Variants in RUFY3 observed in about 807,000 individuals in gnomAD.
The protein encoded by RUFY3 is protein RUFY3.
RUFY3 carries 34 observed loss-of-function variants against 84.0 expected under a neutral mutation model. That is an observed-to-expected ratio of 0.40 (90% CI 0.31 to 0.54). RUFY3 has a LOEUF of 0.54. Ranked by LOEUF, RUFY3 falls within the 20% of genes least tolerant of loss-of-function variation. RUFY3 has a pLI of 0.39. For missense variants in RUFY3, 507 were observed against 736.8 expected (o/e 0.69, Z 3.61); for synonymous variants, 242 against 252.9 (o/e 0.96, Z 0.41).
intron 1 of RUFY3, among the ~76,000 whole-genome samples, chr4:70,748,139 CA>C (rs1560488378): frequency 6.6e-6 from 1 of 152,178 alleles, no homozygotes; most frequent in Non-Finnish European, 1.5e-5. Context: ...TAGTCATCTC[CA>C]AACAAAATTT....
chr4:70,749,851 C>A (rs1299690465), intron 1 of RUFY3, among the ~76,000 whole-genome samples: 1 of 151,934 alleles, frequency 6.6e-6, no homozygotes, highest in Non-Finnish European at 1.5e-5. Flanking sequence ...GGGGGTCTCA[C>A]CTTGTTGCCT....
intron 1 of RUFY3, among the ~76,000 whole-genome samples, chr4:70,740,721 T>C (rs1721197353): frequency 6.6e-6 from 1 of 152,220 alleles, no homozygotes; most frequent in African/African-American, 2.4e-5. Context: ...TCTGCAAATA[T>C]GTCTATATAT....
At chr4:70,733,115 AGAGAGGGAGGGAGGGAGGGAGG>A (rs1278636494) in intron 1 of RUFY3, among the ~76,000 whole-genome samples, 144 of 84,396 alleles carry the variant, frequency 1.7e-3, no homozygotes, top group African/African-American at 7.2e-3. Context: ...AGAGAGAGAG[AGAGAGGGAGGGAGGGAGGGAGG>A]GAGAGAGAGA....
At chr4:70,775,106 G>A in intron 6 of RUFY3, 62 bp from the exon 7 acceptor site, 4 of 1,181,230 alleles carry the variant, frequency 3.4e-6, no homozygotes, top group Non-Finnish European at 1.2e-6. Flanking sequence ...GTGGGGTGGG[G>A]TTGGGATCTT....
chr4:70,761,709 G>A (rs534810839), intron 1 of RUFY3, among the ~76,000 whole-genome samples: 1 of 152,142 alleles, frequency 6.6e-6, no homozygotes, highest in African/African-American at 2.4e-5. Flanking sequence ...TATCCATCTG[G>A]TTGATGAGAG....
intron 5 of RUFY3, among the ~76,000 whole-genome samples, chr4:70,768,925 C>T (rs1019566379): frequency 6.6e-6 from 1 of 152,128 alleles, no homozygotes; most frequent in Non-Finnish European, 1.5e-5. Flanking sequence ...TACACATTTA[C>T]ATACACATAC....
chr4:70,709,332 T>C (rs180930496), intron 1 of RUFY3, among the ~76,000 whole-genome samples: 30 of 152,324 alleles, frequency 2.0e-4, no homozygotes, highest in Admixed American at 1.5e-3. Flanking sequence ...GTACAAGTAA[T>C]ACATGAATCT....
intron 10 of RUFY3, among the ~76,000 whole-genome samples, chr4:70,785,108 T>C (rs1271739638): frequency 1.3e-5 from 2 of 152,222 alleles, no homozygotes; most frequent in East Asian, 3.8e-4. Flanking sequence ...TTTGCTTTTA[T>C]AGTTTGTATT....
At chr4:70,788,773 G>A in intron 10 of RUFY3, 33 bp from the exon 11 acceptor site, 1 of 1,610,360 alleles carries the variant, frequency 6.2e-7, no homozygotes, top group South Asian at 1.1e-5. Flanking sequence ...TGAAGGAACA[G>A]AGTGTAAGCA....
chr4:70,753,593 G>A (rs772066880), intron 1 of RUFY3, among the ~76,000 whole-genome samples: 17 of 152,150 alleles, frequency 1.1e-4, no homozygotes, highest in Non-Finnish European at 8.8e-5. Flanking sequence ...TGATTCAGTG[G>A]TAGTGTTGAA....
chr4:70,802,027 T>C (rs560113793), intron 15 of RUFY3, among the ~76,000 whole-genome samples: 8 of 152,356 alleles, frequency 5.3e-5, no homozygotes, highest in Admixed American at 3.3e-4. Context: ...ACATTTATTA[T>C]CTCCTTATGA....
chr4:70,793,128 AGAGTCT>A, intron 12 of RUFY3: 1 of 985,430 alleles, frequency 1.0e-6, no homozygotes, highest in Non-Finnish European at 1.2e-6. Context: ...GAATATGGTC[AGAGTCT>A]TAAACAGGCC....
At chr4:70,713,897 A>G (rs1029149572) in intron 1 of RUFY3, among the ~76,000 whole-genome samples, 3 of 152,144 alleles carry the variant, frequency 2.0e-5, no homozygotes, top group Admixed American at 6.5e-5. Context: ...CCTCTGTCCC[A>G]TAAACGTTTA....
At chr4:70,773,377 GTA>G in intron 5 of RUFY3, 132 bp from the exon 6 acceptor site, 1 of 622,484 alleles carries the variant, frequency 1.6e-6, no homozygotes, top group South Asian at 2.2e-5. Context: ...AAGTAAAACA[GTA>G]CATTTTTAAT....
intron 5 of RUFY3, among the ~76,000 whole-genome samples, chr4:70,772,510 T>A (rs1727135583): frequency 6.6e-6 from 1 of 152,190 alleles, no homozygotes; most frequent in South Asian, 2.1e-4. Flanking sequence ...CAGGGCCTAG[T>A]ACACATTAAT....
At chr4:70,805,010 C>T (rs988850594) in intron 17 of RUFY3, among the ~76,000 whole-genome samples, 1 of 152,114 alleles carries the variant, frequency 6.6e-6, no homozygotes, top group Non-Finnish European at 1.5e-5. Context: ...ATATTGAGTG[C>T]CTGCTGTGTA....
At chr4:70,710,106 G>GA (rs1229469297) in intron 1 of RUFY3, among the ~76,000 whole-genome samples, 1 of 152,180 alleles carries the variant, frequency 6.6e-6, no homozygotes, top group Non-Finnish European at 1.5e-5. Flanking sequence ...AGATGCACTT[G>GA]AAAAATCCAT....
At chr4:70,708,745 G>T (rs1464658424) in intron 1 of RUFY3, among the ~76,000 whole-genome samples, 1 of 152,086 alleles carries the variant, frequency 6.6e-6, no homozygotes, top group Non-Finnish European at 1.5e-5. Flanking sequence ...CAGTGCTGAA[G>T]AATAGCAAAA....
intron 2 of RUFY3, among the ~76,000 whole-genome samples, chr4:70,762,971 C>T (rs955468400): frequency 6.6e-6 from 1 of 152,004 alleles, no homozygotes; most frequent in African/African-American, 2.4e-5. Context: ...ATAGGCCTGC[C>T]CAGAATGAGA....
Sources: gnomAD v4.1 joint callset for allele counts (sites outside exome capture counted in the v4.1 genomes callset) on GRCh38, gnomAD v4.1.1 for gene constraint, MANE v1.5 for transcripts, NCBI Gene and HGNC (gene_info 2026-07-23, HGNC 2026-07-21) for gene names.